Variants in NFS1 observed in about 807,000 individuals in gnomAD.
NFS1 encodes cysteine desulfurase.
Under a neutral mutation model 57.3 loss-of-function variants are expected in NFS1, and 26 were observed. The ratio of observed to expected loss-of-function variants is 0.45; its 90% confidence interval spans 0.33 to 0.63. The LOEUF (loss-of-function observed/expected upper bound fraction) is 0.63. Among genes scored for constraint, NFS1 ranks in the 20% least tolerant of loss-of-function variants. NFS1 has a pLI of 0.02. For missense variants in NFS1, 505 were observed against 605.8 expected (o/e 0.83, Z 1.75); for synonymous variants, 209 against 216.3 (o/e 0.97, Z 0.30).
chr20:35,671,677 C>T (rs1317132949), intron 12 of NFS1, among the ~76,000 whole-genome samples: 2 of 152,018 alleles, frequency 1.3e-5, no homozygotes, highest in East Asian at 3.9e-4. Context: ...ACTGCTTGAG[C>T]CCGGGAGTTT....
rs566459165 is a variant in NFS1 at position 35,672,670 on chromosome 20, T to C, written c.1310+85A>G. 2.0e-4 allele frequency: 182 copies of C among 922,952 alleles called. No homozygotes were observed. The Admixed American group carries it at 2.3e-3, about 12-fold the overall frequency. 57.2% of individuals were successfully genotyped at this position (922,952 alleles called of 1,614,324 possible). ...TCCAAGTACGCTTGAACTTTGGTTT[T>C]GGCAGTGTAAACACATAGCCTAAGG... is the stretch of plus-strand genomic sequence containing the variant. On this transcript the variant is annotated intron_variant, in intron 12 of 12. Transcript: ENST00000374092.
chr20:35,685,239 A>G (rs1313049345), intron 5 of NFS1, among the ~76,000 whole-genome samples: 1 of 151,772 alleles, frequency 6.6e-6, no homozygotes, highest in Non-Finnish European at 1.5e-5. Flanking sequence ...GCTGGGCATC[A>G]TAGCCTGCGC....
chr20:35,670,460 C>G (rs1396616521), intron 12 of NFS1, among the ~76,000 whole-genome samples: 1 of 152,180 alleles, frequency 6.6e-6, no homozygotes, highest in African/African-American at 2.4e-5. Flanking sequence ...TAGATTTCAC[C>G]AGGTAATTTT....
intron 6 of NFS1, 85 bp from the exon 7 acceptor site, chr20:35,680,956 A>G (rs892293809): frequency 2.1e-5 from 21 of 978,468 alleles, no homozygotes; most frequent in Admixed American, 3.4e-5. Context: ...ATTATCTCCA[A>G]TAGTAAATGA....
intron 12 of NFS1, among the ~76,000 whole-genome samples, chr20:35,671,323 G>C: frequency 6.6e-6 from 1 of 152,164 alleles, no homozygotes; most frequent in South Asian, 2.1e-4. Context: ...GGATGGTCTT[G>C]ATCTCCTGAC....
At chr20:35,670,791 G>C (rs2034640254) in intron 12 of NFS1, among the ~76,000 whole-genome samples, 1 of 152,210 alleles carries the variant, frequency 6.6e-6, no homozygotes, top group Non-Finnish European at 1.5e-5. Context: ...ATACCAGAAA[G>C]TGAGGACAAA....
intron 11 of NFS1, among the ~76,000 whole-genome samples, chr20:35,673,255 T>A (rs765894001): frequency 6.6e-6 from 1 of 150,914 alleles, no homozygotes; most frequent in African/African-American, 2.4e-5. Context: ...GCCACTGCAC[T>A]CCAGCCTGGG....
At chr20:35,698,994 C>G (rs1390230337) in intron 1 of NFS1, 198 bp downstream of exon 1, 3 of 1,323,758 alleles carry the variant, frequency 2.3e-6, no homozygotes, top group Non-Finnish European at 2.9e-6. Context: ...GGGGGCCTGT[C>G]GCGCAGGGTG....
intron 1 of NFS1, chr20:35,698,824 C>A: frequency 7.3e-7 from 1 of 1,370,284 alleles, no homozygotes. Flanking sequence ...CAAATGGTAT[C>A]GTAGGAAGGA....
chr20:35,673,231 T>C (rs1444988981), intron 11 of NFS1, among the ~76,000 whole-genome samples: 1 of 151,504 alleles, frequency 6.6e-6, no homozygotes, highest in Non-Finnish European at 1.5e-5. Context: ...GAGGCTTCAG[T>C]GAGCTGAGAT....
chr20:35,692,259 G>A (rs924444862), intron 4 of NFS1: 15 of 264,968 alleles, frequency 5.7e-5, no homozygotes, highest in South Asian at 1.0e-4. Flanking sequence ...CTGTAATCCC[G>A]GCTACTCAGG....
rs370598590 is a variant in NFS1, at chr20:35,674,415, G to A, written c.1071C>T (p.Ser357=). 7 of 1,614,026 alleles carry A rather than the reference G, an allele frequency of 4.3e-6. No individual in the cohort carries two copies. Among genetic ancestry groups the A allele is most frequent in the African/African-American group, 4.0e-5 (3 of 74,908 alleles). The change falls in exon 10 of 13, where the codon TCC becomes TCT. Residue 357 remains serine (S), a synonymous_variant. Transcript: ENST00000374092. The stretch of plus-strand genomic sequence containing the variant: ...GACTTTCCCCTTCCACATATGCAAA[G>A]GAGAGGTTGATACAGCCTGGAGGAA... ...KHHYPGCINL[S]FAYVEGESLL...
chr20:35,674,542 TCAC>T lies in NFS1; in HGVS notation c.1021_1023del (p.Val341del). 1 of 1,614,134 alleles carries T rather than the reference TCAC, an allele frequency of 6.2e-7. No homozygotes were observed. The highest frequency in any genetic ancestry group is 1.3e-5 in the African/African-American group (1 of 75,056). On this transcript the variant is annotated inframe_deletion, in exon 9 of 13. Transcript: ENST00000374092. ...TAATGGTGCTTAGGGTCCCCATTCA[TCAC>T]CACATCTGGAAGGCTCTTCATTATA...
Position 35,673,497 on chromosome 20 carries a change from C to T in NFS1, c.1220+104G>A, listed in dbSNP as rs185905602. 986 of 917,290 alleles carry T rather than the reference C, an allele frequency of 1.1e-3. 1 individual carries two copies. Among genetic ancestry groups the T allele is most frequent in the Non-Finnish European group, 1.4e-3 (825 of 578,520 alleles). 56.8% of individuals were successfully genotyped at this position (917,290 alleles called of 1,614,324 possible). ...AGGTTATGAGAAGAGATAAGGAGAA[C>T]TCGACTGAGAAAAACTTCAGGGTGG... On this transcript the variant is annotated intron_variant, in intron 11 of 12. Transcript: ENST00000374092.
chr20:35,677,839 C>T (rs2034780125), intron 7 of NFS1, among the ~76,000 whole-genome samples: 2 of 152,078 alleles, frequency 1.3e-5, no homozygotes, highest in African/African-American at 2.4e-5. Context: ...GAGACTGAGG[C>T]GGGAGGGTTG....
Position 35,680,818 on chromosome 20 carries a change from C to T in NFS1, c.709G>A (p.Val237Ile), listed in dbSNP as rs766638091. 4 of 1,583,178 alleles carry T rather than the reference C, an allele frequency of 2.5e-6. No homozygotes were observed. The highest frequency in any genetic ancestry group is 3.4e-6 in the Non-Finnish European group (4 of 1,166,184). Residue 237 changes from valine to isoleucine, a missense_variant, in exon 7 of 13, where the codon GTT becomes ATT. Val to Ile is a conservative substitution (Grantham distance 29, BLOSUM62 3). Coordinates refer to ENST00000374092, the MANE Select transcript of NFS1 (RefSeq NM_021100.5). The part of the protein sequence containing the change: ...VYFHTDAAQA[V>I]GKIPLDVNDM... Reference sequence around the variant, plus strand: ...TTGACATCAAGTGGGATTTTTCCAACAGCCTGGGCTGCATCAGTATGGAAA... The same window carrying T: ...TTGACATCAAGTGGGATTTTTCCAATAGCCTGGGCTGCATCAGTATGGAAA...
At chr20:35,697,961 C>T (rs1227000337) in intron 2 of NFS1, among the ~76,000 whole-genome samples, 161 bp from the exon 3 acceptor site, 1 of 152,138 alleles carries the variant, frequency 6.6e-6, no homozygotes, top group Non-Finnish European at 1.5e-5. Context: ...AACTACCCAC[C>T]AAATATCAAC....
At chr20:35,696,324 CTA>C in intron 4 of NFS1, 51 bp downstream of exon 4, 1 of 1,209,218 alleles carries the variant, frequency 8.3e-7, no homozygotes, top group South Asian at 1.2e-5. Flanking sequence ...TGGAGGGACA[CTA>C]TCTCCTAGGT....
At chr20:35,673,747 C>G in intron 10 of NFS1, 63 bp from the exon 11 acceptor site, 1 of 1,361,584 alleles carries the variant, frequency 7.3e-7, no homozygotes. Context: ...GTCACAAACC[C>G]TCAGTCTTGT....
Sources: gnomAD v4.1 joint callset for allele counts (sites outside exome capture counted in the v4.1 genomes callset) on GRCh38, gnomAD v4.1.1 for gene constraint, MANE v1.5 for transcripts, NCBI Gene and HGNC (gene_info 2026-07-23, HGNC 2026-07-21) for gene names.